Variants in NKAIN3 observed in about 807,000 individuals in gnomAD.
The protein encoded by NKAIN3 is sodium/potassium transporting ATPase interacting 3.
A neutral mutation model predicts 30.2 loss-of-function variants in NKAIN3; 25 were observed. That is an observed-to-expected ratio of 0.83 (90% CI 0.60 to 1.16). The LOEUF (loss-of-function observed/expected upper bound fraction) is 1.16. Ranked by LOEUF, NKAIN3 falls within the 50% of genes most tolerant of loss-of-function variation. NKAIN3 has a pLI of 0.00. For synonymous variants in NKAIN3, 91 were observed against 89.6 expected (o/e 1.02, Z -0.09); for missense variants, 225 against 254.1 (o/e 0.89, Z 0.78).
At chr8:62,741,427 GC>G (rs1441956781) in intron 3 of NKAIN3, among the ~76,000 whole-genome samples, 55 of 123,076 alleles carry the variant, frequency 4.5e-4, no homozygotes, top group African/African-American at 1.6e-3. Context: ...AGGAAGGCAG[GC>G]AAGCAAGCAA....
At chr8:62,525,835 T>C (rs562006977) in intron 1 of NKAIN3, among the ~76,000 whole-genome samples, 123 of 152,304 alleles carry the variant, frequency 8.1e-4, no homozygotes, top group Non-Finnish European at 1.4e-3. Context: ...TTGTTGTTAG[T>C]GGTTTTCCTA....
chr8:62,569,398 C>T (rs982108121), intron 1 of NKAIN3, among the ~76,000 whole-genome samples: 3 of 152,032 alleles, frequency 2.0e-5, no homozygotes, highest in Non-Finnish European at 4.4e-5. Flanking sequence ...TGAAAAGTCC[C>T]TTGGGAGTTG....
intron 1 of NKAIN3, among the ~76,000 whole-genome samples, chr8:62,485,546 C>A (rs6994555): frequency 2.6e-5 from 4 of 152,094 alleles, no homozygotes; most frequent in East Asian, 1.9e-4. Flanking sequence ...CAGCTTTATG[C>A]GGCTTTTTAT....
chr8:62,258,265 G>A (rs981584925), intron 1 of NKAIN3, among the ~76,000 whole-genome samples: 1 of 152,146 alleles, frequency 6.6e-6, no homozygotes, highest in African/African-American at 2.4e-5. Context: ...TGAGTGATCA[G>A]GAAAATGAAC....
chr8:62,303,683 T>A (rs1019077930), intron 1 of NKAIN3, among the ~76,000 whole-genome samples: 4 of 150,514 alleles, frequency 2.7e-5, no homozygotes, highest in Non-Finnish European at 4.4e-5. Context: ...AGTTTTAATT[T>A]GAAAAAAATC....
intron 3 of NKAIN3, among the ~76,000 whole-genome samples, chr8:62,667,315 TTA>T (rs777514293): frequency 0.024 from 3,249 of 133,920 alleles, 206 homozygotes; most frequent in African/African-American, 0.093. Flanking sequence ...ATATATATAT[TTA>T]TATATATATA....
At chr8:62,877,006 G>A (rs1470305001) in intron 4 of NKAIN3, among the ~76,000 whole-genome samples, 4 of 151,630 alleles carry the variant, frequency 2.6e-5, no homozygotes, top group Admixed American at 2.6e-4. Flanking sequence ...AAGAAAAGGA[G>A]AGAGAGAGAG....
At chr8:62,648,990 C>G (rs1218009250) in intron 3 of NKAIN3, among the ~76,000 whole-genome samples, 2 of 152,112 alleles carry the variant, frequency 1.3e-5, no homozygotes. Flanking sequence ...TTCTCTTCAG[C>G]CAGGAATTAG....
chr8:62,848,628 CT>C (rs1819763931), intron 4 of NKAIN3, among the ~76,000 whole-genome samples: 1 of 152,162 alleles, frequency 6.6e-6, no homozygotes, highest in Admixed American at 6.6e-5. Context: ...GATAGTTTGA[CT>C]TCCTCTCTTC....
At position 62,454,301 on chromosome 8, in the gene NKAIN3, C is replaced by CAAAAAAAAAAAAAAAAAAAAAAAAAAA. The variant is rs201511724; in HGVS notation, c.55-125216_55-125215insAAAAAAAAAAAAAAAAAAAAAAAAAAA. 2.3e-3 allele frequency among the ~76,000 whole-genome samples: 130 copies of CAAAAAAAAAAAAAAAAAAAAAAAAAAA among 56,144 alleles called. 13 individuals are homozygous for CAAAAAAAAAAAAAAAAAAAAAAAAAAA. The highest frequency in any genetic ancestry group is 0.01 in the Middle Eastern group (1 of 96). 36.8% of individuals were successfully genotyped at this position (56,144 alleles called of 152,430 possible). On this transcript the variant is annotated intron_variant, in intron 1 of 6. Transcript: ENST00000623646. ...ACCAACACTAACAATAGCTGATGTG[C>CAAAAAAAAAAAAAAAAAAAAAAAAAAA]AAAAAAAAAAAAAAAAAAAAAATCT... is the stretch of plus-strand genomic sequence containing the variant.
At chr8:62,912,700 G>A (rs7000612) in intron 4 of NKAIN3, among the ~76,000 whole-genome samples, 21,887 of 151,976 alleles carry the variant, frequency 0.14, 1,984 homozygotes, top group African/African-American at 0.24. Context: ...ACCTGAGGTC[G>A]GGAGTTCAAG....
At chr8:62,268,779 C>T (rs933995146) in intron 1 of NKAIN3, among the ~76,000 whole-genome samples, 12 of 152,118 alleles carry the variant, frequency 7.9e-5, no homozygotes, top group African/African-American at 2.7e-4. Flanking sequence ...CCATGAATGT[C>T]TATACCCAGG....
chr8:62,890,620 C>G (rs1384161387), intron 4 of NKAIN3, among the ~76,000 whole-genome samples: 1 of 152,178 alleles, frequency 6.6e-6, no homozygotes, highest in Non-Finnish European at 1.5e-5. Context: ...AATTAGCATT[C>G]CATACTTGAG....
intron 1 of NKAIN3, among the ~76,000 whole-genome samples, chr8:62,405,266 G>A (rs1271102414): frequency 1.3e-5 from 2 of 152,182 alleles, no homozygotes; most frequent in East Asian, 3.9e-4. Flanking sequence ...ACCCCTGCTG[G>A]CGTCTCACTG....
intron 1 of NKAIN3, among the ~76,000 whole-genome samples, chr8:62,264,354 G>A (rs1454627584): frequency 2.0e-5 from 3 of 152,144 alleles, no homozygotes; most frequent in Non-Finnish European, 2.9e-5. Flanking sequence ...TCAAGACAGT[G>A]TGTATATTAT....
intron 1 of NKAIN3, among the ~76,000 whole-genome samples, chr8:62,384,912 G>T (rs1015517139): frequency 3.9e-5 from 6 of 152,086 alleles, no homozygotes; most frequent in Non-Finnish European, 8.8e-5. Flanking sequence ...ATTGTAGTTT[G>T]TTGTAAAAAA....
intron 3 of NKAIN3, among the ~76,000 whole-genome samples, chr8:62,660,956 C>A (rs1812925855): frequency 6.6e-6 from 1 of 152,204 alleles, no homozygotes; most frequent in Admixed American, 6.5e-5. Flanking sequence ...CCTTTCCCCA[C>A]CTTATTCTTC....
At chr8:62,711,545 G>A (rs1461272050) in intron 3 of NKAIN3, among the ~76,000 whole-genome samples, 1 of 151,946 alleles carries the variant, frequency 6.6e-6, no homozygotes, top group African/African-American at 2.4e-5. Flanking sequence ...ACTTTCCAGA[G>A]CATTTTGCAA....
chr8:62,658,809 C>T (rs1812847813), intron 3 of NKAIN3, among the ~76,000 whole-genome samples: 1 of 152,032 alleles, frequency 6.6e-6, no homozygotes, highest in South Asian at 2.1e-4. Context: ...TTCCTTATGC[C>T]TCCAGGCTAC....
Sources: allele counts gnomAD v4.1 joint callset (sites outside exome capture counted in the v4.1 genomes callset), GRCh38; gene constraint gnomAD v4.1.1; transcripts MANE v1.5; gene names NCBI Gene and HGNC (gene_info 2026-07-23, HGNC 2026-07-21).